The following SYT2 variants were observed in gnomAD, a reference collection of about 807,000 sequenced individuals.
The protein encoded by SYT2 is synaptotagmin 2.
A neutral mutation model predicts 39.9 loss-of-function variants in SYT2; 15 were observed. The observed-to-expected ratio is 0.38, with a 90% CI of 0.25 to 0.58. The LOEUF (loss-of-function observed/expected upper bound fraction) is 0.58, where lower values mean the gene tolerates loss of function less well. SYT2 is among the 20% of genes least tolerant of loss of function. SYT2 has a pLI of 0.70. For missense variants in SYT2, 389 were observed against 530.3 expected (o/e 0.73, Z 2.62); for synonymous variants, 181 against 204.5 (o/e 0.89, Z 0.98).
chr1:202,641,711 T>C (rs1024947668), intron 1 of SYT2, among the ~76,000 whole-genome samples: 10 of 152,334 alleles, frequency 6.6e-5, no homozygotes, highest in Non-Finnish European at 1.2e-4. Context: ...CCTTCAGATC[T>C]TCCTTATCTG....
intron 1 of SYT2, among the ~76,000 whole-genome samples, chr1:202,626,397 G>GTTT (rs1558437010): frequency 3.9e-5 from 4 of 102,432 alleles, no homozygotes; most frequent in East Asian, 6.7e-4. Context: ...CAGCCTCTCA[G>GTTT]CTTTTTTTTT....
chr1:202,650,134 A>G (rs1346304531), intron 1 of SYT2, among the ~76,000 whole-genome samples: 2 of 152,250 alleles, frequency 1.3e-5, no homozygotes, highest in African/African-American at 4.8e-5. Context: ...GGCTGGGCTC[A>G]GAGGATCTTC....
At chr1:202,662,840 A>G (rs1252589027) in intron 1 of SYT2, among the ~76,000 whole-genome samples, 1 of 152,184 alleles carries the variant, frequency 6.6e-6, no homozygotes, top group Non-Finnish European at 1.5e-5. Context: ...AATGTTGTTG[A>G]GGATTAAAAA....
intron 1 of SYT2, among the ~76,000 whole-genome samples, chr1:202,618,908 A>T (rs1691124873): frequency 6.6e-6 from 1 of 152,180 alleles, no homozygotes; most frequent in Non-Finnish European, 1.5e-5. Flanking sequence ...GAAGGAAAAC[A>T]GCAGGAGCCC....
chr1:202,688,943 A>G (rs1015962296), intron 1 of SYT2, among the ~76,000 whole-genome samples: 5 of 152,188 alleles, frequency 3.3e-5, no homozygotes, highest in Admixed American at 2.0e-4. Context: ...GAGTCAGGAC[A>G]TGGTGTTCTA....
At chr1:202,604,818 C>CTTTTTTTTTTTTTT (rs59944538) in intron 2 of SYT2, among the ~76,000 whole-genome samples, 197 bp from the exon 3 acceptor site, 10 of 71,672 alleles carry the variant, frequency 1.4e-4, no homozygotes, top group Middle Eastern at 0.014. Context: ...TCATGCCTTG[C>CTTTTTTTTTTTTTT]TTTTTTTTTT....
intron 1 of SYT2, among the ~76,000 whole-genome samples, chr1:202,647,676 C>T (rs913829985): frequency 3.9e-5 from 6 of 152,218 alleles, no homozygotes; most frequent in African/African-American, 1.4e-4. Context: ...TCCCTCCCCA[C>T]TTCAGACCTG....
Position 202,627,632 on chromosome 1 carries a change from G to A in SYT2, c.-17-21843C>T. Reference sequence around the variant, plus strand: ...TCTGGAGAGTAATGCGCAAAGGAAGGGCATGAAGACCACTTCCCTGGTTAA... The same window carrying A: ...TCTGGAGAGTAATGCGCAAAGGAAGAGCATGAAGACCACTTCCCTGGTTAA... On this transcript the variant is annotated intron_variant, in intron 1 of 8. Transcript: ENST00000367268. The A allele has an allele frequency of 3.0e-6, 3 of 985,214 alleles. No individual in the cohort carries two copies. In the South Asian group the frequency reaches 1.4e-4, roughly 46 times the overall value. 61.0% of individuals were successfully genotyped at this position (985,214 alleles called of 1,614,324 possible). A position where few individuals can be genotyped will look rare whatever the true frequency, so the allele number is the denominator to read the frequency against.
At chr1:202,696,399 T>C (rs1350599841) in intron 1 of SYT2, among the ~76,000 whole-genome samples, 1 of 152,204 alleles carries the variant, frequency 6.6e-6, no homozygotes, top group Non-Finnish European at 1.5e-5. Flanking sequence ...ACGCATCATG[T>C]TCCCCACCCT....
chr1:202,679,529 G>A (rs1226039041), intron 1 of SYT2, among the ~76,000 whole-genome samples: 3 of 152,100 alleles, frequency 2.0e-5, no homozygotes, highest in African/African-American at 7.2e-5. Flanking sequence ...CTTATAATTG[G>A]TTAGCAAGTT....
In SYT2 at chr1:202,614,219, G is replaced by T. The variant is rs936705738; in HGVS notation, c.-17-8430C>A. ...CTCCTGAGGTTCAGGGAATCTGCAG[G>T]CCAGGAATGAAGGGGGAGAACTGCA... On this transcript the variant is annotated intron_variant, in intron 1 of 8. Transcript: ENST00000367268. This position sits in a 1 kb window ranked among gnomAD's most constrained non-coding sequence, Gnocchi z 4.0. 1.1e-4 allele frequency among the ~76,000 whole-genome samples: 16 copies of T among 152,206 alleles called. No individual in the cohort carries two copies. The highest frequency in any genetic ancestry group is 1.5e-5 in the Non-Finnish European group (1 of 68,036).
Position 202,596,710 on chromosome 1 carries a change from G to T in SYT2, c.*47C>A. The T allele has an allele frequency of 1.9e-6, 3 of 1,565,654 alleles. No individual in the cohort carries two copies. The highest frequency in any genetic ancestry group is 3.4e-5 in the Admixed American group (2 of 58,626). On this transcript the variant is annotated 3_prime_UTR_variant, in exon 9 of 9. Coordinates refer to ENST00000367268, the MANE Select transcript of SYT2 (RefSeq NM_177402.5). ...CATAACTGAGGTATTGATAGCTCTG[G>T]ATCTTGTCAGTGTCCGTGAAAGGTG...
intron 1 of SYT2, among the ~76,000 whole-genome samples, chr1:202,650,838 C>T (rs1197158984): frequency 6.6e-6 from 1 of 152,202 alleles, no homozygotes; most frequent in Non-Finnish European, 1.5e-5. Flanking sequence ...GAGAAGATGG[C>T]TTCTGAGTGG....
At chr1:202,641,283 G>A (rs551636575) in intron 1 of SYT2, among the ~76,000 whole-genome samples, 1 of 152,292 alleles carries the variant, frequency 6.6e-6, no homozygotes, top group South Asian at 2.1e-4. Context: ...AATGCATTGG[G>A]AATTCCTGGA....
In SYT2 at chr1:202,623,820, G is replaced by A. The variant is rs1321377040; in HGVS notation, c.-17-18031C>T. On this transcript the variant is annotated intron_variant, in intron 1 of 8. Coordinates refer to ENST00000367268, the MANE Select transcript of SYT2 (RefSeq NM_177402.5). This position sits in a 1 kb window ranked among gnomAD's most constrained non-coding sequence, Gnocchi z 4.2. ...CTGCCAGCTGGGGGAGCGCTCACCA[G>A]GGGAAAGGGGAGCTCTCTGTGGCTT... Among the ~76,000 whole-genome samples the A allele has an allele frequency of 6.6e-6, 1 of 152,142 alleles. No homozygotes were observed. Among genetic ancestry groups the A allele is most frequent in the Non-Finnish European group, 1.5e-5 (1 of 68,032 alleles).
chr1:202,684,653 G>A (rs1013270003), intron 1 of SYT2, among the ~76,000 whole-genome samples: 9 of 152,114 alleles, frequency 5.9e-5, no homozygotes, highest in African/African-American at 9.7e-5. Flanking sequence ...CTGTGTCCAC[G>A]GGAATTTGTC....
intron 1 of SYT2, among the ~76,000 whole-genome samples, chr1:202,629,560 C>G (rs1691513535): frequency 6.6e-6 from 1 of 152,194 alleles, no homozygotes; most frequent in Non-Finnish European, 1.5e-5. Flanking sequence ...GATGACAACA[C>G]TGGGATGTGA....
chr1:202,641,746 G>A (rs1691922045), intron 1 of SYT2, among the ~76,000 whole-genome samples: 1 of 152,210 alleles, frequency 6.6e-6, no homozygotes, highest in Non-Finnish European at 1.5e-5. Flanking sequence ...CTGTCTGGAG[G>A]TAGAGAGCAG....
At chr1:202,668,132 G>GC (rs1198722001) in intron 1 of SYT2, among the ~76,000 whole-genome samples, 5 of 152,146 alleles carry the variant, frequency 3.3e-5, no homozygotes, top group Non-Finnish European at 5.9e-5. Context: ...AAGATCTATA[G>GC]CCCCCCAGAG....
Sources: allele counts gnomAD v4.1 joint callset (sites outside exome capture counted in the v4.1 genomes callset), GRCh38; gene constraint gnomAD v4.1.1; non-coding constraint Gnocchi (gnomAD v3.1); transcripts MANE v1.5; gene names NCBI Gene and HGNC (gene_info 2026-07-23, HGNC 2026-07-21).